DDR2: variants seen among roughly 807,000 people sequenced by gnomAD.
DDR2 encodes the protein discoidin domain-containing receptor 2.
A neutral mutation model predicts 94.9 loss-of-function variants in DDR2; 27 were observed. The observed-to-expected ratio is 0.28, with a 90% CI of 0.21 to 0.39. DDR2 has a LOEUF of 0.39. DDR2 is among the 10% of genes least tolerant of loss of function. The pLI is 1.00. For synonymous variants in DDR2, 382 were observed against 377.2 expected (o/e 1.01, Z -0.15); for missense variants, 783 against 1,076.0 (o/e 0.73, Z 3.81).
rs1040728414 is a variant in DDR2 at position 162,781,766 on chromosome 1, A to G, written c.*1520A>G. 2.6e-5 allele frequency: 4 copies of G among 152,160 alleles called. No individual in the cohort carries two copies. Among genetic ancestry groups the G allele is most frequent in the African/African-American group, 9.7e-5 (4 of 41,432 alleles). The allele number at this position is 152,160 out of a possible 1,614,324, so 9.4% of individuals were successfully genotyped here. A position where few individuals can be genotyped will look rare whatever the true frequency, so the allele number is the denominator to read the frequency against. ...AGATTCTGAGTTTTCACACTCCACA[A>G]ATCCTCAGATTTAGTGGGAAGCTGG... On this transcript the variant is annotated 3_prime_UTR_variant, in exon 18 of 18. Transcript: ENST00000367921.
chr1:162,758,410 T>G (rs1055824960), intron 7 of DDR2, among the ~76,000 whole-genome samples: 4 of 152,210 alleles, frequency 2.6e-5, no homozygotes, highest in Admixed American at 6.5e-5. Context: ...TATTGAACAT[T>G]TATTTTCTTA....
chr1:162,698,612 C>T lies in DDR2; in HGVS notation c.-27-20425C>T, dbSNP rs1197558098. On this transcript the variant is annotated intron_variant, in intron 2 of 17. Coordinates refer to ENST00000367921, the MANE Select transcript of DDR2 (RefSeq NM_006182.4). ...ACTATGATTAGGGTTGTGCTAACCT[C>T]TGCCTGCCTCTCCCCTAACTCCTGC... Among the ~76,000 whole-genome samples the T allele has an allele frequency of 5.9e-5, 9 of 152,310 alleles. No homozygotes were observed. In the East Asian group the frequency reaches 1.7e-3, roughly 29 times the overall value.
At chr1:162,668,453 G>T (rs1437683184) in intron 2 of DDR2, among the ~76,000 whole-genome samples, 1 of 152,186 alleles carries the variant, frequency 6.6e-6, no homozygotes, top group Non-Finnish European at 1.5e-5. Context: ...GATATTGATT[G>T]TCTCACAGTT....
chr1:162,725,273 GGCATTCGACTCTGCTCCAGC>G (rs1342037079), intron 3 of DDR2, among the ~76,000 whole-genome samples: 1 of 152,130 alleles, frequency 6.6e-6, no homozygotes, highest in Non-Finnish European at 1.5e-5. Context: ...TGGCAGAACC[GGCATTCGACTCTGCTCCAGC>G]AAGCATGCTC....
chr1:162,726,027 G>A (rs78578430), intron 3 of DDR2, among the ~76,000 whole-genome samples: 3,787 of 152,258 alleles, frequency 0.025, 69 homozygotes, highest in Non-Finnish European at 0.038. Context: ...CTCGCTGGAC[G>A]AGCATGGTCA....
intron 1 of DDR2, among the ~76,000 whole-genome samples, chr1:162,648,828 C>T (rs192000900): frequency 1.3e-5 from 2 of 152,242 alleles, no homozygotes; most frequent in East Asian, 3.9e-4. Flanking sequence ...AACAAAAACA[C>T]TCATTTTCCC....
At chr1:162,673,170 T>C (rs1658951246) in intron 2 of DDR2, among the ~76,000 whole-genome samples, 1 of 152,036 alleles carries the variant, frequency 6.6e-6, no homozygotes, top group African/African-American at 2.4e-5. Flanking sequence ...TCAAGAAAAA[T>C]TAATACATCA....
chr1:162,696,593 ACT>A (rs1202437537), intron 2 of DDR2, among the ~76,000 whole-genome samples: 9 of 151,668 alleles, frequency 5.9e-5, no homozygotes, highest in Admixed American at 5.9e-4. Flanking sequence ...TGAAAAAAAC[ACT>A]GATTGGATGC....
intron 2 of DDR2, among the ~76,000 whole-genome samples, chr1:162,717,632 C>G: frequency 6.6e-6 from 1 of 152,152 alleles, no homozygotes; most frequent in East Asian, 1.9e-4. Context: ...ATGACCTTGA[C>G]AGTTTTGAGG....
intron 2 of DDR2, among the ~76,000 whole-genome samples, chr1:162,693,426 T>G (rs1281075731): frequency 6.6e-6 from 1 of 152,224 alleles, no homozygotes; most frequent in Non-Finnish European, 1.5e-5. Flanking sequence ...TTTTGACGTT[T>G]TCTATCTTTA....
At chr1:162,755,496 T>G (rs1320103585) in intron 6 of DDR2, among the ~76,000 whole-genome samples, 168 bp from the exon 7 acceptor site, 1 of 152,044 alleles carries the variant, frequency 6.6e-6, no homozygotes. Flanking sequence ...GCATTCAGAG[T>G]CATTACGTTG....
intron 2 of DDR2, among the ~76,000 whole-genome samples, chr1:162,697,282 C>A (rs1346473176): frequency 6.6e-6 from 1 of 152,064 alleles, no homozygotes; most frequent in African/African-American, 2.4e-5. Context: ...GTGCACAGAG[C>A]ACCTCAACTA....
chr1:162,737,608 G>A (rs1311973246), intron 3 of DDR2, among the ~76,000 whole-genome samples: 8 of 114,224 alleles, frequency 7.0e-5, no homozygotes, highest in Middle Eastern at 3.9e-3. Context: ...GAATAATGCC[G>A]CAATAAACAT....
At chr1:162,723,121 T>C (rs1661494130) in intron 3 of DDR2, among the ~76,000 whole-genome samples, 1 of 152,154 alleles carries the variant, frequency 6.6e-6, no homozygotes, top group Non-Finnish European at 1.5e-5. Flanking sequence ...AGGAGAGTCA[T>C]AGTGCTACAA....
Position 162,767,277 on chromosome 1 carries a change from G to C in DDR2, c.1211G>C (p.Cys404Ser), listed in dbSNP as rs756728715. 6.2e-7 allele frequency: 1 copy of C among 1,614,128 alleles called. No individual in the cohort carries two copies. Among genetic ancestry groups the C allele is most frequent in the Non-Finnish European group, 8.5e-7 (1 of 1,180,016 alleles). The change falls in exon 11 of 18, where the codon TGC (cysteine) becomes TCC (serine). Residue 404 changes from cysteine (C) to serine (S), a missense_variant. Transcript: ENST00000367921. Reference protein sequence around the residue: ...DDSNTRILIGCLVAIIFILLA... With the variant: ...DDSNTRILIGSLVAIIFILLA... ...AGCAACACTCGGATCCTGATTGGCTGCTTGGTGGCCATCATCTTTATCCTC... is the reference window on the plus strand; with the variant it reads ...AGCAACACTCGGATCCTGATTGGCTCCTTGGTGGCCATCATCTTTATCCTC...
Position 162,753,109 on chromosome 1 carries a change from C to T in DDR2, c.97C>T (p.Pro33Ser), listed in dbSNP as rs1275560017. The change falls in exon 4 of 18, where the codon CCT (proline) becomes TCT (serine). Residue 33 changes from proline to serine, a missense_variant. Pro to Ser is a moderately conservative substitution (Grantham distance 74, BLOSUM62 -1). Transcript: ENST00000367921. ...TCTTGGTCTAGCTATATGCCGCTAT[C>T]CTCTGGGCATGTCAGGAGGCCAGAT... ...AQVNPAICRYPLGMSGGQIPD... is the reference protein window; with the variant it reads ...AQVNPAICRYSLGMSGGQIPD... 6.2e-7 allele frequency: 1 copy of T among 1,613,566 alleles called. No individual in the cohort carries two copies. Among genetic ancestry groups the T allele is most frequent in the South Asian group, 1.1e-5 (1 of 91,044 alleles).
At chr1:162,665,806 T>C (rs929184058) in intron 2 of DDR2, among the ~76,000 whole-genome samples, 2 of 152,218 alleles carry the variant, frequency 1.3e-5, no homozygotes, top group Non-Finnish European at 2.9e-5. Context: ...ATATGTAGAC[T>C]ATTTATGATA....
intron 1 of DDR2, among the ~76,000 whole-genome samples, chr1:162,638,217 C>T (rs1188679888): frequency 2.0e-5 from 3 of 152,120 alleles, no homozygotes; most frequent in African/African-American, 7.2e-5. Flanking sequence ...GTTGGGGTTT[C>T]ACCAGGTTGG....
At chr1:162,674,377 A>G (rs4656379) in intron 2 of DDR2, among the ~76,000 whole-genome samples, 129,993 of 152,150 alleles carry the variant, frequency 0.85, 55,972 homozygotes, top group Middle Eastern at 0.94. Context: ...AGCAATTTGC[A>G]TGCTCTTAAT....
Sources: gnomAD v4.1 joint callset for allele counts (sites outside exome capture counted in the v4.1 genomes callset) on GRCh38, gnomAD v4.1.1 for gene constraint, MANE v1.5 for transcripts, NCBI Gene and HGNC (gene_info 2026-07-23, HGNC 2026-07-21) for gene names.